Variants in THADA observed in about 807,000 individuals in gnomAD.
THADA encodes the protein tRNA (32-2'-O)-methyltransferase regulator THADA.
THADA carries 213 observed loss-of-function variants against 219.8 expected under a neutral mutation model. The observed-to-expected ratio is 0.97, with a 90% CI of 0.87 to 1.09. THADA has a LOEUF of 1.09. Among genes scored for constraint, THADA ranks in the 50% least tolerant of loss-of-function variants. The pLI is 0.00. For missense variants in THADA, 2,956 were observed against 2,311.3 expected (o/e 1.28, Z -5.72); for synonymous variants, 1,018 against 828.9 (o/e 1.23, Z -3.92).
At chr2:43,512,120 T>A (rs1690551516) in intron 22 of THADA, among the ~76,000 whole-genome samples, 1 of 152,216 alleles carries the variant, frequency 6.6e-6, no homozygotes, top group Non-Finnish European at 1.5e-5. Context: ...AGGTCAAGGC[T>A]GGCAAAATGC....
intron 3 of THADA, 144 bp downstream of exon 3, chr2:43,591,808 T>C (rs1336834825): frequency 4.1e-6 from 2 of 484,816 alleles, no homozygotes; most frequent in Non-Finnish European, 3.4e-6. Context: ...TATTATACAA[T>C]AAACAGAAAA....
At chr2:43,443,332 T>G (rs1681087959) in intron 26 of THADA, among the ~76,000 whole-genome samples, 1 of 152,200 alleles carries the variant, frequency 6.6e-6, no homozygotes, top group Non-Finnish European at 1.5e-5. Flanking sequence ...TCATCAGGTA[T>G]AAATGTAGTG....
At chr2:43,307,363 C>G (rs1016596465) in intron 31 of THADA, among the ~76,000 whole-genome samples, 4 of 151,688 alleles carry the variant, frequency 2.6e-5, no homozygotes, top group Non-Finnish European at 5.9e-5. Flanking sequence ...AGTGAGAGAG[C>G]TCTGGAGATC....
chr2:43,344,609 A>C (rs1667427678), intron 29 of THADA, among the ~76,000 whole-genome samples: 1 of 152,254 alleles, frequency 6.6e-6, no homozygotes, highest in Non-Finnish European at 1.5e-5. Flanking sequence ...TTTTAAAGTC[A>C]AAGTCTTAAA....
chr2:43,512,133 T>C (rs1363541320), intron 22 of THADA, among the ~76,000 whole-genome samples: 4 of 152,190 alleles, frequency 2.6e-5, no homozygotes, highest in African/African-American at 9.7e-5. Flanking sequence ...CAAAATGCCA[T>C]CGATAGAGCC....
At position 43,231,284 on chromosome 2, in the gene THADA, G is replaced by C. The variant is rs747629819; in HGVS notation, c.5526C>G (p.Ile1842Met). 8 of 1,596,330 alleles carry C rather than the reference G, an allele frequency of 5.0e-6. No individual in the cohort carries two copies. The East Asian group carries it at 1.3e-4, about 27-fold the overall frequency. ...AEVNFWAETLIFVKYLCKHLF... is the reference protein window; with the variant it reads ...AEVNFWAETLMFVKYLCKHLF... Reference sequence around the variant, plus strand: ...GGTGCTTGCAGAGGTATTTCACAAAGATCAGGGTCTCGGCCCAAAAGTTGA... The same window carrying C: ...GGTGCTTGCAGAGGTATTTCACAAACATCAGGGTCTCGGCCCAAAAGTTGA... Residue 1842 changes from isoleucine to methionine, a missense_variant, in exon 38 of 38, where the codon ATC becomes ATG. Ile to Met is a conservative substitution (Grantham distance 10). Coordinates refer to ENST00000405975, the MANE Select transcript of THADA (RefSeq NM_022065.5).
At chr2:43,299,129 G>C (rs551040955) in intron 31 of THADA, among the ~76,000 whole-genome samples, 1 of 151,766 alleles carries the variant, frequency 6.6e-6, no homozygotes, top group African/African-American at 2.4e-5. Flanking sequence ...AATGAATTCT[G>C]TGTTTAGACT....
chr2:43,269,239 C>T (rs1671863629), intron 36 of THADA, among the ~76,000 whole-genome samples: 1 of 152,246 alleles, frequency 6.6e-6, no homozygotes, highest in African/African-American at 2.4e-5. Flanking sequence ...GGCTTATCAT[C>T]ACCCACAGGG....
chr2:43,452,274 C>T (rs1347221695), intron 26 of THADA, among the ~76,000 whole-genome samples: 1 of 152,006 alleles, frequency 6.6e-6, no homozygotes, highest in Non-Finnish European at 1.5e-5. Context: ...TATGCCAACT[C>T]ATATTGTTCA....
intron 31 of THADA, among the ~76,000 whole-genome samples, chr2:43,312,025 C>T (rs1238233518): frequency 6.6e-6 from 1 of 152,020 alleles, no homozygotes; most frequent in South Asian, 2.1e-4. Context: ...AAAGGGAGAC[C>T]TCTCTCTACA....
chr2:43,517,199 T>A (rs1007894426), intron 22 of THADA, among the ~76,000 whole-genome samples: 2 of 152,166 alleles, frequency 1.3e-5, no homozygotes, highest in African/African-American at 4.8e-5. Flanking sequence ...GTTTTCGAGG[T>A]ACCCCCACTC....
In THADA at chr2:43,574,902, A is replaced by G. The variant is rs1699695296; in HGVS notation, c.1163T>C (p.Ile388Thr). 1 of 1,613,880 alleles carries G rather than the reference A, an allele frequency of 6.2e-7. No individual in the cohort carries two copies. The highest frequency in any genetic ancestry group is 8.5e-7 in the Non-Finnish European group (1 of 1,179,900). The change falls in exon 11 of 38, where the codon ATA becomes ACA. Residue 388 changes from isoleucine (I) to threonine (T), a missense_variant. Coordinates refer to ENST00000405975, the MANE Select transcript of THADA (RefSeq NM_022065.5). ...LTDSLNGNSS[I>T]VGRLLEYVYT... ...GACATATTCCAAAAGTCTCCCAACT[A>G]TACTTGAATTCCCATTCAGGCTGTC...
intron 36 of THADA, among the ~76,000 whole-genome samples, chr2:43,237,135 T>A: frequency 6.8e-6 from 1 of 147,534 alleles, no homozygotes; most frequent in East Asian, 2.0e-4. Flanking sequence ...GATAGACATA[T>A]AGATCAACAG....
In THADA at chr2:43,570,053, A is replaced by T. The variant is rs560385268; in HGVS notation, c.2187+335T>A. 1.2e-3 allele frequency among the ~76,000 whole-genome samples: 180 copies of T among 152,346 alleles called. 1 individual carries two copies. Among genetic ancestry groups the T allele is most frequent in the African/African-American group, 4.1e-3 (170 of 41,568 alleles). The stretch of plus-strand genomic sequence containing the variant: ...CTAAAGAGAAAACAGGCCCAGCAAC[A>T]GCAGTCTTCTGCCCTGGAGAGGGAC... On this transcript the variant is annotated intron_variant, in intron 14 of 37. Transcript: ENST00000405975.
chr2:43,400,127 C>G (rs1674615695), intron 28 of THADA, among the ~76,000 whole-genome samples: 1 of 152,120 alleles, frequency 6.6e-6, no homozygotes, highest in South Asian at 2.1e-4. Flanking sequence ...TTAGCAGTGA[C>G]TGTACACTAA....
chr2:43,414,079 G>C (rs535707949), intron 28 of THADA, among the ~76,000 whole-genome samples: 1 of 152,174 alleles, frequency 6.6e-6, no homozygotes, highest in South Asian at 2.1e-4. Context: ...TTTTACATTT[G>C]CATTGTGTTT....
chr2:43,584,897 A>G (rs997270562), intron 7 of THADA, among the ~76,000 whole-genome samples: 5 of 152,230 alleles, frequency 3.3e-5, no homozygotes, highest in East Asian at 3.9e-4. Context: ...AAAGGAAGAT[A>G]GCACACACAG....
At chr2:43,563,087 T>C (rs1393151503) in intron 15 of THADA, 1 of 152,218 alleles carries the variant, frequency 6.6e-6, no homozygotes, top group Non-Finnish European at 1.5e-5. Context: ...CTAATCTTTT[T>C]GTTTCCTTCC....
chr2:43,525,895 C>T (rs1693110950), intron 22 of THADA, among the ~76,000 whole-genome samples: 1 of 152,194 alleles, frequency 6.6e-6, no homozygotes, highest in Admixed American at 6.5e-5. Flanking sequence ...CCCTCATCAC[C>T]TCAGATCTAC....
Sources: gnomAD v4.1 joint callset for allele counts (sites outside exome capture counted in the v4.1 genomes callset) on GRCh38, gnomAD v4.1.1 for gene constraint, MANE v1.5 for transcripts, NCBI Gene and HGNC (gene_info 2026-07-23, HGNC 2026-07-21) for gene names.